Variants in CCDC171 observed in about 807,000 individuals in gnomAD.
CCDC171 encodes coiled-coil domain-containing protein 171.
CCDC171 carries 177 observed loss-of-function variants against 168.2 expected under a neutral mutation model. The observed-to-expected ratio is 1.05, with a 90% CI of 0.93 to 1.19. CCDC171 has a LOEUF of 1.19. CCDC171 is among the 50% of genes most tolerant of loss of function. CCDC171 has a pLI of 0.00. For missense variants in CCDC171, 1,991 were observed against 1,539.0 expected (o/e 1.29, Z -4.91); for synonymous variants, 687 against 540.8 (o/e 1.27, Z -3.75).
At chr9:15,985,398 C>G (rs912165447) in intron 3 of CCDC171, among the ~76,000 whole-genome samples, 1 of 152,150 alleles carries the variant, frequency 6.6e-6, no homozygotes, top group Admixed American at 6.5e-5. Context: ...ATCTGTAAGT[C>G]AGCAGCAGTA....
At chr9:15,808,959 C>G (rs138369953) in intron 21 of CCDC171, among the ~76,000 whole-genome samples, 17 of 152,262 alleles carry the variant, frequency 1.1e-4, no homozygotes, top group African/African-American at 4.1e-4. Context: ...CACCTTCTTG[C>G]TGTGTCTTCA....
At chr9:15,920,663 A>T (rs898691491) in intron 25 of CCDC171, among the ~76,000 whole-genome samples, 3 of 151,712 alleles carry the variant, frequency 2.0e-5, no homozygotes, top group African/African-American at 7.2e-5. Flanking sequence ...CTACATCAAG[A>T]TTCCTTTGTG....
At chr9:16,081,339 T>G in the CCDC171 span, among the ~76,000 whole-genome samples, 1 of 152,210 alleles carries the variant, frequency 6.6e-6, no homozygotes, top group African/African-American at 2.4e-5. Flanking sequence ...TCTCCCTTAC[T>G]GGTCAGGGCT....
At chr9:15,573,589 G>C (rs546492806) in intron 3 of CCDC171, among the ~76,000 whole-genome samples, 1 of 151,784 alleles carries the variant, frequency 6.6e-6, no homozygotes, top group East Asian at 2.0e-4. Context: ...GCCCAATTGA[G>C]GTAATTTTTA....
In CCDC171 at chr9:15,866,424, A is replaced by G. The variant is rs138278989; in HGVS notation, c.3469-8108A>G. Among the ~76,000 whole-genome samples the G allele has an allele frequency of 5.8e-3, 878 of 152,070 alleles. 7 individuals are homozygous for G. Among genetic ancestry groups the G allele is most frequent in the Non-Finnish European group, 9.2e-3 (628 of 67,948 alleles). ...GGTGGTGTCAGAAGGAAGGATGTGA[A>G]ACTTATTCAGCAAAGTGGCATATGA... On this transcript the variant is annotated intron_variant, in intron 23 of 25. Transcript: ENST00000380701.
chr9:15,782,742 T>C (rs1031128225), intron 20 of CCDC171, among the ~76,000 whole-genome samples: 1 of 152,194 alleles, frequency 6.6e-6, no homozygotes, highest in Admixed American at 6.5e-5. Context: ...ACTGGAGTGC[T>C]GAGAGGAGAC....
At chr9:15,593,439 G>C (rs1243192190) in intron 5 of CCDC171, among the ~76,000 whole-genome samples, 1 of 152,106 alleles carries the variant, frequency 6.6e-6, no homozygotes, top group Non-Finnish European at 1.5e-5. Context: ...TATAGAACTA[G>C]AAATTAAAGT....
chr9:15,708,142 C>A (rs10119975), intron 11 of CCDC171, among the ~76,000 whole-genome samples: 68,568 of 152,100 alleles, frequency 0.45, 15,800 homozygotes, highest in Non-Finnish European at 0.5. Flanking sequence ...GCCACTGCAC[C>A]CCCAAAATAC....
At chr9:15,785,325 C>T (rs940196122) in intron 21 of CCDC171, among the ~76,000 whole-genome samples, 1 of 152,072 alleles carries the variant, frequency 6.6e-6, no homozygotes. Flanking sequence ...AGATTATATA[C>T]GTTGGAATGG....
chr9:15,631,970 AC>A (rs1366904550), intron 7 of CCDC171, among the ~76,000 whole-genome samples: 2 of 152,000 alleles, frequency 1.3e-5, no homozygotes, highest in Admixed American at 1.3e-4. Flanking sequence ...AAATTCAACA[AC>A]CCTTCATGCT....
intron 9 of CCDC171, among the ~76,000 whole-genome samples, chr9:15,672,641 G>T (rs1316400349): frequency 6.6e-6 from 1 of 152,192 alleles, no homozygotes; most frequent in East Asian, 1.9e-4. Context: ...TGTCAGGTTT[G>T]TTGAAGATCA....
chr9:16,021,109 C>T (rs935224341), intron 4 of CCDC171, among the ~76,000 whole-genome samples: 2 of 152,288 alleles, frequency 1.3e-5, no homozygotes, highest in Non-Finnish European at 2.9e-5. Context: ...TTTCTTTAGA[C>T]GGAGTTTCAC....
chr9:15,573,897 C>A (rs2040430280), intron 3 of CCDC171, among the ~76,000 whole-genome samples: 1 of 151,586 alleles, frequency 6.6e-6, no homozygotes, highest in African/African-American at 2.4e-5. Context: ...CCTGTATCTA[C>A]AAAAAATAAA....
chr9:15,794,013 C>G (rs894972397), intron 21 of CCDC171, among the ~76,000 whole-genome samples: 1 of 53,674 alleles, frequency 1.9e-5, no homozygotes, highest in Non-Finnish European at 3.8e-5. Flanking sequence ...GGCTAGGATA[C>G]AGTGTTGGGT....
At chr9:15,921,581 C>T (rs1051697024) in intron 25 of CCDC171, among the ~76,000 whole-genome samples, 9 of 151,564 alleles carry the variant, frequency 5.9e-5, no homozygotes, top group African/African-American at 1.9e-4. Flanking sequence ...TAAGAGCAGT[C>T]TGGCTTATAG....
At chr9:15,945,919 C>T (rs895634818) in intron 25 of CCDC171, among the ~76,000 whole-genome samples, 4 of 150,250 alleles carry the variant, frequency 2.7e-5, no homozygotes, top group African/African-American at 9.7e-5. Flanking sequence ...CTTTGGTTGC[C>T]ATTGCTTTTG....
rs760335672 is a variant in CCDC171, at chr9:15,657,934, A to T, written c.915+715A>T. Among the ~76,000 whole-genome samples, 17 of 152,302 alleles carry T rather than the reference A, an allele frequency of 1.1e-4. No individual in the cohort carries two copies. The South Asian group carries it at 1.7e-3, about 15-fold the overall frequency. On this transcript the variant is annotated intron_variant, in intron 8 of 25. Transcript: ENST00000380701. ...TTGGCACACTACTGCCCATGGGCCA[A>T]GTCTGACCTGCAGCCTTTTTCTGTA...
At chr9:15,838,425 C>T (rs530390282) in intron 21 of CCDC171, among the ~76,000 whole-genome samples, 4 of 152,086 alleles carry the variant, frequency 2.6e-5, no homozygotes, top group East Asian at 1.9e-4. Flanking sequence ...ATATGATTCC[C>T]AAACAGATCA....
chr9:15,895,874 A>G (rs1035206003), intron 24 of CCDC171, among the ~76,000 whole-genome samples: 2 of 151,984 alleles, frequency 1.3e-5, no homozygotes, highest in Non-Finnish European at 2.9e-5. Flanking sequence ...AAGTAAGGCA[A>G]TTTATTAGTA....
Sources: allele counts gnomAD v4.1 joint callset (sites outside exome capture counted in the v4.1 genomes callset), GRCh38; gene constraint gnomAD v4.1.1; transcripts MANE v1.5; gene names NCBI Gene and HGNC (gene_info 2026-07-23, HGNC 2026-07-21).